Variants in YIPF2 observed in about 807,000 individuals in gnomAD.
YIPF2 encodes Yip1 domain family member 2, also known as protein YIPF2.
Under a neutral mutation model 38.8 loss-of-function variants are expected in YIPF2, and 30 were observed. That is an observed-to-expected ratio of 0.77 (90% CI 0.58 to 1.05). The LOEUF is 1.05. Among genes scored for constraint, YIPF2 ranks in the 50% least tolerant of loss-of-function variants. The pLI, the probability that YIPF2 is intolerant of heterozygous loss-of-function variation, is 0.00. For synonymous variants in YIPF2, 194 were observed against 183.8 expected (o/e 1.06, Z -0.45); for missense variants, 401 against 409.7 (o/e 0.98, Z 0.18).
At position 10,923,536 on chromosome 19, in the gene YIPF2, C is replaced by T. The variant is rs761439322; in HGVS notation, c.793G>A (p.Val265Met). 2.2e-5 allele frequency: 35 copies of T among 1,612,400 alleles called. No homozygotes were observed. The highest frequency in any genetic ancestry group is 1.3e-4 in the Admixed American group (8 of 59,966). ...TRLVATVLLS[V>M]VVLLHALLAM... ...AGGAGGGCGTGGAGCAGCACGACCACGGACAGCAGCACTGTGGCCACCAGC... is the reference window on the plus strand; with the variant it reads ...AGGAGGGCGTGGAGCAGCACGACCATGGACAGCAGCACTGTGGCCACCAGC... The change falls in exon 8 of 10, where the codon GTG becomes ATG. Residue 265 changes from valine (V) to methionine (M), a missense_variant. Transcript: ENST00000586748.
chr19:10,925,263 C>T (rs1314447821), intron 5 of YIPF2, among the ~76,000 whole-genome samples: 5 of 151,882 alleles, frequency 3.3e-5, no homozygotes, highest in Admixed American at 6.6e-5. Flanking sequence ...CTTCTTGCCA[C>T]AGCATGGGAG....
At chr19:10,925,979 C>T (rs1599725191) in intron 4 of YIPF2, among the ~76,000 whole-genome samples, 2 of 147,542 alleles carry the variant, frequency 1.4e-5, no homozygotes, top group South Asian at 2.1e-4. Flanking sequence ...GGCATGATCT[C>T]GGCTCACTGC....
intron 4 of YIPF2, 101 bp from the exon 5 acceptor site, chr19:10,925,874 C>A (rs2083415309): frequency 9.1e-7 from 1 of 1,094,606 alleles, no homozygotes; most frequent in South Asian, 1.4e-5. Context: ...TCTTTCCATG[C>A]CCCACCTGAA....
chr19:10,924,935 T>TA (rs2083399253), intron 5 of YIPF2, among the ~76,000 whole-genome samples: 2 of 151,806 alleles, frequency 1.3e-5, no homozygotes, highest in Non-Finnish European at 1.5e-5. Context: ...CGAAAACACT[T>TA]AAAGATCCAT....
At chr19:10,926,313 GCCTCC>G in intron 4 of YIPF2, among the ~76,000 whole-genome samples, 1 of 151,016 alleles carries the variant, frequency 6.6e-6, no homozygotes, top group African/African-American at 2.4e-5. Context: ...TGCAAGCTCC[GCCTCC>G]TGGGTTCACA....
chr19:10,926,955 C>T (rs891298026), intron 4 of YIPF2, among the ~76,000 whole-genome samples: 2 of 152,154 alleles, frequency 1.3e-5, no homozygotes, highest in Admixed American at 6.5e-5. Flanking sequence ...CTGCAACCTC[C>T]GCCTGGCGGA....
chr19:10,925,905 CTTTTTTT>C (rs1164644174), intron 4 of YIPF2, 132 bp from the exon 5 acceptor site: 30 of 434,416 alleles, frequency 6.9e-5, no homozygotes, highest in East Asian at 1.8e-4. Context: ...CTTTCCCTCT[CTTTTTTT>C]TTTTTTTTTT....
Position 10,927,818 on chromosome 19 carries a change from T to C in YIPF2, c.173A>G (p.Glu58Gly), listed in dbSNP as rs752591720. The C allele has an allele frequency of 6.2e-7, 1 of 1,607,970 alleles. No homozygotes were observed. The highest frequency in any genetic ancestry group is 8.5e-7 in the Non-Finnish European group (1 of 1,176,272). Reference protein sequence around the residue: ...GSYGAEDEVEEESDKAALLQE... With the variant: ...GSYGAEDEVEGESDKAALLQE... ...ACTCACCGCGGCCTTGTCACTCTCC[T>C]CCTCCACCTCATCCTCGGCTCCATA... Residue 58 changes from glutamate to glycine, a missense_variant, in exon 3 of 10, where the codon GAG becomes GGG. Glu to Gly is a moderately conservative substitution (Grantham distance 98). Transcript: ENST00000586748.
rs2074269295 is a variant in YIPF2 at position 10,922,355 on chromosome 19, C to G, written c.*839G>C. The G allele has an allele frequency of 6.5e-6, 1 of 152,684 alleles. No individual in the cohort carries two copies. The highest frequency in any genetic ancestry group is 6.5e-5 in the Admixed American group (1 of 15,276). The allele number at this position is 152,684 out of a possible 1,614,324, so 9.5% of individuals were successfully genotyped here. A position where few individuals can be genotyped will look rare whatever the true frequency, so the allele number is the denominator to read the frequency against. ...GAGGCTTCAGGGGCCCCCTCCCCAC[C>G]AAAGGGTTCACCTCACACTTGAATG... is the stretch of plus-strand genomic sequence containing the variant. On this transcript the variant is annotated 3_prime_UTR_variant, in exon 10 of 10. Coordinates refer to ENST00000586748, the MANE Select transcript of YIPF2 (RefSeq NM_001321439.2).
intron 2 of YIPF2, 48 bp from the exon 3 acceptor site, chr19:10,928,007 A>C: frequency 6.4e-7 from 1 of 1,573,638 alleles, no homozygotes; most frequent in South Asian, 1.1e-5. Flanking sequence ...GGGTGGAAAG[A>C]ACTCGACTGG....
At chr19:10,924,808 C>T (rs2083396330) in intron 5 of YIPF2, among the ~76,000 whole-genome samples, 1 of 149,864 alleles carries the variant, frequency 6.7e-6, no homozygotes, top group African/African-American at 2.4e-5. Flanking sequence ...CTTCTACTTC[C>T]CCAGCACGTT....
chr19:10,927,021 C>A (rs1259116226), intron 4 of YIPF2, among the ~76,000 whole-genome samples: 1 of 152,014 alleles, frequency 6.6e-6, no homozygotes, highest in African/African-American at 2.4e-5. Flanking sequence ...AGGCGCCCAC[C>A]ACAAAGCCCG....
chr19:10,924,199 G>A lies in YIPF2; in HGVS notation c.368-7C>T, dbSNP rs1471365544. Reference sequence around the variant, plus strand: ...GCACAGATCCAGAAGGGGCCTGGGGGTAGGGGGCACAGTCAGGGTCCCGGG... The same window carrying A: ...GCACAGATCCAGAAGGGGCCTGGGGATAGGGGGCACAGTCAGGGTCCCGGG... On this transcript the variant is annotated splice_polypyrimidine_tract_variant and splice_region_variant and intron_variant, in intron 5 of 9. Coordinates refer to ENST00000586748, the MANE Select transcript of YIPF2 (RefSeq NM_001321439.2). 6.2e-7 allele frequency: 1 copy of A among 1,608,420 alleles called. No homozygotes were observed. The highest frequency in any genetic ancestry group is 8.5e-7 in the Non-Finnish European group (1 of 1,179,156).
At chr19:10,927,193 GA>G (rs1241470477) in intron 4 of YIPF2, among the ~76,000 whole-genome samples, 10 of 152,152 alleles carry the variant, frequency 6.6e-5, no homozygotes, top group Non-Finnish European at 1.5e-4. Flanking sequence ...ATTTTTGGTA[GA>G]GACGGGGTTT....
In YIPF2 at chr19:10,924,209, C is replaced by T; in HGVS notation, c.368-17G>A. 6.2e-7 allele frequency: 1 copy of T among 1,604,012 alleles called. No individual in the cohort carries two copies. The highest frequency in any genetic ancestry group is 2.2e-5 in the East Asian group (1 of 44,858). ...AGAAGGGGCCTGGGGGTAGGGGGCA[C>T]AGTCAGGGTCCCGGGCCCTGCACTC... On this transcript the variant is annotated splice_polypyrimidine_tract_variant and intron_variant, in intron 5 of 9. Transcript: ENST00000586748.
At chr19:10,924,678 C>A (rs1437532403) in intron 5 of YIPF2, among the ~76,000 whole-genome samples, 2 of 152,146 alleles carry the variant, frequency 1.3e-5, no homozygotes, top group Admixed American at 1.3e-4. Flanking sequence ...CCAAGCTGGT[C>A]CCGTGGATAC....
At chr19:10,923,753 C>A in intron 7 of YIPF2, 76 bp from the exon 8 acceptor site, 12 of 1,581,052 alleles carry the variant, frequency 7.6e-6, no homozygotes, top group Non-Finnish European at 1.0e-5. Context: ...CCACCCTCAC[C>A]ACCATGGGAA....
chr19:10,925,543 C>T, intron 5 of YIPF2, 143 bp downstream of exon 5: 2 of 994,212 alleles, frequency 2.0e-6, no homozygotes, highest in South Asian at 1.6e-5. Flanking sequence ...CTCTGCAGTC[C>T]TTCATGTCTC....
chr19:10,927,732 A>G lies in YIPF2; in HGVS notation c.193-16T>C. On this transcript the variant is annotated splice_polypyrimidine_tract_variant and intron_variant, in intron 3 of 9. Transcript: ENST00000586748. ...CCTGCAGGAGCTGCACATTGCGGGCATTCAGTGCCTGCCCGGAGAGCCTGG... is the reference window on the plus strand; with the variant it reads ...CCTGCAGGAGCTGCACATTGCGGGCGTTCAGTGCCTGCCCGGAGAGCCTGG... 6.2e-7 allele frequency: 1 copy of G among 1,612,934 alleles called. No individual in the cohort carries two copies. The highest frequency in any genetic ancestry group is 8.5e-7 in the Non-Finnish European group (1 of 1,179,916).
Sources: allele counts gnomAD v4.1 joint callset (sites outside exome capture counted in the v4.1 genomes callset), GRCh38; gene constraint gnomAD v4.1.1; transcripts MANE v1.5; gene names NCBI Gene and HGNC (gene_info 2026-07-23, HGNC 2026-07-21).